The following MTTP variants were observed in gnomAD, a reference collection of about 807,000 sequenced individuals.
MTTP encodes microsomal triglyceride transfer protein, also known as microsomal triglyceride transfer protein large subunit.
Under a neutral mutation model 90.6 loss-of-function variants are expected in MTTP, and 49 were observed. The observed-to-expected ratio is 0.54, with a 90% CI of 0.43 to 0.69. MTTP has a LOEUF of 0.69. Ranked by LOEUF, MTTP falls within the 30% of genes least tolerant of loss-of-function variation. The pLI is 0.00. For missense variants in MTTP, 945 were observed against 1,067.5 expected, an observed-to-expected ratio of 0.89 and a Z score of 1.60; for synonymous variants, 347 against 384.2, an observed-to-expected ratio of 0.90 and a Z score of 1.13.
rs61733140 is a variant in MTTP, at chr4:99,589,668, A to G, written c.419A>G (p.Asn140Ser). 492 of 1,607,826 alleles carry G rather than the reference A, an allele frequency of 3.1e-4. No homozygotes were observed. In the African/African-American group the frequency reaches 5.5e-3, roughly 18 times the overall value. ...GKVKEFYSYQ[N>S]EAVAIENIKR... ...GTCAAAGAGTTCTACTCATATCAAA[A>G]TGAGGCAGTGGCCATAGAAAATATC... Residue 140 changes from asparagine to serine, a missense_variant, in exon 4 of 18, where the codon AAT becomes AGT. Transcript: ENST00000265517.
rs764189338 is a variant in MTTP, at chr4:99,611,241, G to A, written c.1867+1G>A. 5.0e-5 allele frequency: 81 copies of A among 1,612,750 alleles called. No individual in the cohort carries two copies. The highest frequency in any genetic ancestry group is 6.5e-5 in the Non-Finnish European group (77 of 1,178,962). On this transcript the variant is annotated splice_donor_variant, in intron 13 of 17. Transcript: ENST00000265517. LOFTEE classifies it high-confidence loss of function. Reference sequence around the variant, plus strand: ...TCTGCCTACACTGGCTACATAGAACGTATGTACACCAAAAAGAGGTTCTCC... The same window carrying A: ...TCTGCCTACACTGGCTACATAGAACATATGTACACCAAAAAGAGGTTCTCC...
chr4:99,611,630 G>A (rs1484960680), intron 14 of MTTP, among the ~76,000 whole-genome samples, 177 bp downstream of exon 14: 1 of 152,178 alleles, frequency 6.6e-6, no homozygotes, highest in Non-Finnish European at 1.5e-5. Flanking sequence ...TAGTCACTCA[G>A]AGAAAGTTTC....
chr4:99,612,190 C>T (rs1434557016), intron 14 of MTTP, among the ~76,000 whole-genome samples: 1 of 152,102 alleles, frequency 6.6e-6, no homozygotes, highest in Non-Finnish European at 1.5e-5. Flanking sequence ...TTTGGTAGTA[C>T]TGTAGTCAGA....
chr4:99,612,328 G>A (rs2110232610), intron 14 of MTTP, among the ~76,000 whole-genome samples: 1 of 151,600 alleles, frequency 6.6e-6, no homozygotes, highest in East Asian at 1.9e-4. Flanking sequence ...TATTTGTTGT[G>A]GAAATAAGTG....
At chr4:99,566,493 A>G (rs35402611) in intron 1 of MTTP, among the ~76,000 whole-genome samples, 8,183 of 152,226 alleles carry the variant, frequency 0.054, 305 homozygotes, top group African/African-American at 0.1. Flanking sequence ...CATAGTATCT[A>G]TGGGGACTGG....
rs145084185 is a variant in MTTP at position 99,612,795 on chromosome 4, T to G, written c.1990-118T>G. On this transcript the variant is annotated intron_variant, in intron 14 of 17. Transcript: ENST00000265517. ...TGTTTTAGTTTTTGTTTTTAGCTGTTGCAAATATTTAAGTTTTTGGCCCCT... is the reference window on the plus strand; with the variant it reads ...TGTTTTAGTTTTTGTTTTTAGCTGTGGCAAATATTTAAGTTTTTGGCCCCT... 9 of 897,628 alleles carry G rather than the reference T, an allele frequency of 1.0e-5. No homozygotes were observed. In the East Asian group the frequency reaches 2.2e-4, roughly 22 times the overall value. The allele number at this position is 897,628 out of a possible 1,614,324, so 55.6% of individuals were successfully genotyped here.
intron 6 of MTTP, 56 bp from the exon 7 acceptor site, chr4:99,594,677 T>C: frequency 1.3e-6 from 2 of 1,595,562 alleles, no homozygotes; most frequent in South Asian, 2.2e-5. Flanking sequence ...GCAATTAGTA[T>C]CTTGTTCACT....
chr4:99,608,624 G>C, intron 11 of MTTP, 142 bp from the exon 12 acceptor site: 1 of 727,644 alleles, frequency 1.4e-6, no homozygotes, highest in Non-Finnish European at 2.4e-6. Flanking sequence ...TAGTCACGTG[G>C]CCCCCACCAA....
rs568870100 is a variant in MTTP at position 99,609,443 on chromosome 4, A to G, written c.1769+466A>G. Among the ~76,000 whole-genome samples, 5 of 152,320 alleles carry G rather than the reference A, an allele frequency of 3.3e-5. No individual in the cohort carries two copies. In the South Asian group the frequency reaches 8.3e-4, roughly 25 times the overall value. Reference sequence around the variant, plus strand: ...CACATTTCAAGGTGATTCAAAATTTAAAGAGTGCAATCAGTAGAGTTCATC... The same window carrying G: ...CACATTTCAAGGTGATTCAAAATTTGAAGAGTGCAATCAGTAGAGTTCATC... On this transcript the variant is annotated intron_variant, in intron 12 of 17. Coordinates refer to ENST00000265517, the MANE Select transcript of MTTP (RefSeq NM_001386140.1).
chr4:99,594,269 AG>A (rs1219461280), intron 6 of MTTP, among the ~76,000 whole-genome samples: 3 of 152,180 alleles, frequency 2.0e-5, no homozygotes, highest in Non-Finnish European at 4.4e-5. Flanking sequence ...GTTCAAGGAG[AG>A]GGATGTAGAC....
At chr4:99,601,793 G>A in intron 10 of MTTP, 79 bp downstream of exon 10, 1 of 1,099,370 alleles carries the variant, frequency 9.1e-7, no homozygotes, top group Non-Finnish European at 1.4e-6. Flanking sequence ...GCCTACTATT[G>A]GCACTCCTAA....
intron 3 of MTTP, 102 bp from the exon 4 acceptor site, chr4:99,589,541 G>A (rs943830208): frequency 2.7e-6 from 2 of 737,544 alleles, no homozygotes; most frequent in Admixed American, 1.9e-5. Context: ...CTTTCTCCCA[G>A]GATTAATACA....
At chr4:99,603,927 C>T (rs1201140493) in intron 10 of MTTP, among the ~76,000 whole-genome samples, 1 of 152,180 alleles carries the variant, frequency 6.6e-6, no homozygotes, top group Non-Finnish European at 1.5e-5. Flanking sequence ...GTTCTCATCA[C>T]ATCTTTAAAA....
intron 15 of MTTP, among the ~76,000 whole-genome samples, chr4:99,615,078 C>A (rs1726066143): frequency 1.3e-5 from 2 of 152,202 alleles, no homozygotes; most frequent in South Asian, 4.1e-4. Flanking sequence ...CAGCTCAACA[C>A]CACCTGTATG....
Position 99,597,225 on chromosome 4 carries a change from G to C in MTTP, c.1067+1G>C, listed in dbSNP as rs752343394. Reference sequence around the variant, plus strand: ...TAAAGATGGAAAATAAGGAAGTATTGTAAGTTCCCCAACCTTTGTGTGGGG... The same window carrying C: ...TAAAGATGGAAAATAAGGAAGTATTCTAAGTTCCCCAACCTTTGTGTGGGG... On this transcript the variant is annotated splice_donor_variant, in intron 8 of 17. Transcript: ENST00000265517. LOFTEE classifies it high-confidence loss of function. The C allele has an allele frequency of 1.9e-6, 3 of 1,612,764 alleles. No individual in the cohort carries two copies. In the African/African-American group the frequency reaches 4.0e-5, roughly 22 times the overall value.
intron 1 of MTTP, among the ~76,000 whole-genome samples, chr4:99,580,035 C>CAAAAAA (rs34092272): frequency 1.6e-5 from 1 of 60,614 alleles, no homozygotes; most frequent in Non-Finnish European, 3.3e-5. Context: ...GACCCTGTCT[C>CAAAAAA]AAAAAAAAAA....
chr4:99,609,544 A>G (rs1422314667), intron 12 of MTTP, among the ~76,000 whole-genome samples: 1 of 152,158 alleles, frequency 6.6e-6, no homozygotes, highest in Non-Finnish European at 1.5e-5. Flanking sequence ...GGCTCCCCCA[A>G]GGTGCCTCCT....
chr4:99,606,294 AACAC>A lies in MTTP; in HGVS notation c.1345-453_1345-450del, dbSNP rs531327894. On this transcript the variant is annotated intron_variant, in intron 10 of 17. Coordinates refer to ENST00000265517, the MANE Select transcript of MTTP (RefSeq NM_001386140.1). ...TTAAATTTGGAATTAAGTGAAAACA[AACAC>A]TTTTAAAACATTTAGAGCCAGACTT... 1.3e-4 allele frequency among the ~76,000 whole-genome samples: 20 copies of A among 152,308 alleles called. No homozygotes were observed. In the South Asian group the frequency reaches 3.9e-3, roughly 30 times the overall value.
Position 99,611,158 on chromosome 4 carries a change from A to T in MTTP, c.1785A>T (p.Arg595=), listed in dbSNP as rs1356652333. ...TATGTTGCAGCAAAATTGTCCGTCGAGTTCTGAAGGAAATGGTCGCTCACA... is the reference window on the plus strand; with the variant it reads ...TATGTTGCAGCAAAATTGTCCGTCGTGTTCTGAAGGAAATGGTCGCTCACA... ...FEMPASKIVR[R]VLKEMVAHNY... Residue 595 remains arginine (R), a synonymous_variant, in exon 13 of 18, where the codon CGA becomes CGT. Coordinates refer to ENST00000265517, the MANE Select transcript of MTTP (RefSeq NM_001386140.1). 9 of 1,613,818 alleles carry T rather than the reference A, an allele frequency of 5.6e-6. No homozygotes were observed. The highest frequency in any genetic ancestry group is 7.6e-6 in the Non-Finnish European group (9 of 1,179,932).
Sources: gnomAD v4.1 joint callset for allele counts (sites outside exome capture counted in the v4.1 genomes callset) on GRCh38, gnomAD v4.1.1 for gene constraint, MANE v1.5 for transcripts, NCBI Gene and HGNC (gene_info 2026-07-23, HGNC 2026-07-21) for gene names.